The following TLE2 variants were observed in gnomAD, a reference collection of about 807,000 sequenced individuals.
The protein encoded by TLE2 is transducin-like enhancer protein 2.
Under a neutral mutation model 97.2 loss-of-function variants are expected in TLE2, and 74 were observed. The observed-to-expected ratio is 0.76, with a 90% CI of 0.63 to 0.92. TLE2 has a LOEUF of 0.92. Ranked by LOEUF, TLE2 falls within the 40% of genes least tolerant of loss-of-function variation. The pLI, the probability that TLE2 is intolerant of heterozygous loss-of-function variation, is 0.00. For missense variants in TLE2, 1,038 were observed against 1,008.7 expected (o/e 1.03, Z -0.39); for synonymous variants, 499 against 432.1 (o/e 1.15, Z -1.92).
upstream of TLE2, among the ~76,000 whole-genome samples, chr19:3,046,863 T>C (rs1478392650): frequency 1.3e-5 from 2 of 149,904 alleles, no homozygotes; most frequent in Non-Finnish European, 1.5e-5. Flanking sequence ...TGCTCCCCTC[T>C]GGTCCCATCC....
Position 3,002,381 on chromosome 19 carries a change from G to A in TLE2, c.2019C>T (p.Cys673=), listed in dbSNP as rs1435181899. ...EKYQLHLHES[C]VLSLKFASCG... is the part of the protein sequence containing the mutation. ...AGGAGGCAAACTTCAGGGACAGCACGCAGCTCTCGTGGAGGTGCAGCTGGT... is the reference window on the plus strand; with the variant it reads ...AGGAGGCAAACTTCAGGGACAGCACACAGCTCTCGTGGAGGTGCAGCTGGT... The change falls in exon 18 of 20, where the codon TGC becomes TGT. Residue 673 remains cysteine, a synonymous_variant. Coordinates refer to ENST00000262953, the MANE Select transcript of TLE2 (RefSeq NM_003260.5). 6.2e-6 allele frequency: 10 copies of A among 1,613,442 alleles called. No individual in the cohort carries two copies. Among genetic ancestry groups the A allele is most frequent in the African/African-American group, 4.0e-5 (3 of 74,908 alleles).
In TLE2 at chr19:3,013,785, T is replaced by C; in HGVS notation, c.757A>G (p.Thr253Ala). ...QPSEPPSPAT[T>A]PCGKVPICIP... ...CAGATGGGTACCTTTCCGCAGGGGG[T>C]GGTAGCCGGGCTGGGGGGCTCTGAG... is the stretch of plus-strand genomic sequence containing the variant. Residue 253 changes from threonine (T) to alanine (A), a missense_variant, in exon 11 of 20, where the codon ACC becomes GCC. Transcript: ENST00000262953. 6.4e-7 allele frequency: 1 copy of C among 1,553,862 alleles called. No homozygotes were observed. Among genetic ancestry groups the C allele is most frequent in the African/African-American group, 1.4e-5 (1 of 70,986 alleles).
At chr19:3,003,599 C>G (rs187839569) in intron 17 of TLE2, among the ~76,000 whole-genome samples, 7 of 151,904 alleles carry the variant, frequency 4.6e-5, no homozygotes, top group Admixed American at 4.6e-4. Flanking sequence ...GATTGCACCA[C>G]TGCACTCCAG....
In TLE2 at chr19:3,019,502, G is replaced by C; in HGVS notation, c.370-39C>G. 6.7e-7 allele frequency: 1 copy of C among 1,485,982 alleles called. No homozygotes were observed. Among genetic ancestry groups the C allele is most frequent in the African/African-American group, 1.4e-5 (1 of 71,970 alleles). 92.0% of individuals were successfully genotyped at this position (1,485,982 alleles called of 1,614,324 possible). A position where few individuals can be genotyped will look rare whatever the true frequency, so the allele number is the denominator to read the frequency against. On this transcript the variant is annotated intron_variant, in intron 6 of 19. Transcript: ENST00000262953. This position sits in a 1 kb window ranked among gnomAD's most constrained non-coding sequence, Gnocchi z 5.1. ...GGCAGGATGGGCCGGGGCGGGGGGCGGCAGGAGCCCAGCGGTCCCCAGCCC... is the reference window on the plus strand; with the variant it reads ...GGCAGGATGGGCCGGGGCGGGGGGCCGCAGGAGCCCAGCGGTCCCCAGCCC...
At chr19:3,034,962 T>C (rs2090051498) in intron 1 of TLE2, among the ~76,000 whole-genome samples, 1 of 152,120 alleles carries the variant, frequency 6.6e-6, no homozygotes, top group South Asian at 2.1e-4. Context: ...CATTGCCCGG[T>C]GAGTGAGCTG....
At chr19:3,032,478 T>C (rs2090032897), upstream of TLE2, among the ~76,000 whole-genome samples, 1 of 152,148 alleles carries the variant, frequency 6.6e-6, no homozygotes, top group South Asian at 2.1e-4. This position sits in a 1 kb window ranked among gnomAD's most constrained non-coding sequence, Gnocchi z 4.1. Flanking sequence ...CCTCAGATGA[T>C]CCACCCTCCT....
At chr19:2,998,821 C>G (rs1210296160) in intron 19 of TLE2, among the ~76,000 whole-genome samples, 5 of 152,184 alleles carry the variant, frequency 3.3e-5, no homozygotes, top group Non-Finnish European at 5.9e-5. Flanking sequence ...GCTGCCCTTT[C>G]TGGAAGCTCA....
chr19:3,015,575 G>A, intron 9 of TLE2, 78 bp downstream of exon 9: 1 of 1,128,586 alleles, frequency 8.9e-7, no homozygotes, highest in Non-Finnish European at 1.3e-6. Flanking sequence ...GCCAGAGCTG[G>A]GCTCTGGAAG....
At chr19:3,018,150 G>C (rs1052270887) in intron 7 of TLE2, among the ~76,000 whole-genome samples, 1 of 152,062 alleles carries the variant, frequency 6.6e-6, no homozygotes, top group South Asian at 2.1e-4. Context: ...CACACTTTAC[G>C]AGTTGGGGTC....
Position 3,002,348 on chromosome 19 carries a change from C to G in TLE2, c.2047+5G>C. 1 of 1,604,888 alleles carries G rather than the reference C, an allele frequency of 6.2e-7. No individual in the cohort carries two copies. Among genetic ancestry groups the G allele is most frequent in the Non-Finnish European group, 8.5e-7 (1 of 1,174,340 alleles). Reference sequence around the variant, plus strand: ...GGGCGTGCCACCCCGCCCCAGAAGACACACCGCAGGAGGCAAACTTCAGGG... The same window carrying G: ...GGGCGTGCCACCCCGCCCCAGAAGAGACACCGCAGGAGGCAAACTTCAGGG... On this transcript the variant is annotated splice_donor_5th_base_variant and intron_variant, in intron 18 of 19. Coordinates refer to ENST00000262953, the MANE Select transcript of TLE2 (RefSeq NM_003260.5).
At chr19:3,025,297 C>T in intron 4 of TLE2, 1 of 1,252,696 alleles carries the variant, frequency 8.0e-7, no homozygotes, top group South Asian at 2.0e-5. Context: ...CCAGGGTGGC[C>T]TGGAGCTGGG....
At position 3,019,190 on chromosome 19, in the gene TLE2, A is replaced by T; in HGVS notation, c.550+93T>A. The stretch of plus-strand genomic sequence containing the variant: ...TGGGATTATAGGCATGAGCCACTTC[A>T]TCCCCTCACGCTGATGTTTGCTACC... On this transcript the variant is annotated intron_variant, in intron 7 of 19. Transcript: ENST00000262953. The surrounding 1 kb of genome is among the most constrained non-coding windows in gnomAD (Gnocchi z 5.1). The T allele has an allele frequency of 4.0e-6, 6 of 1,484,196 alleles. No homozygotes were observed. The highest frequency in any genetic ancestry group is 5.4e-6 in the Non-Finnish European group (6 of 1,111,188). 91.9% of individuals were successfully genotyped at this position (1,484,196 alleles called of 1,614,324 possible).
chr19:3,018,740 G>C (rs1043682041), intron 7 of TLE2, among the ~76,000 whole-genome samples: 5 of 151,674 alleles, frequency 3.3e-5, no homozygotes, highest in African/African-American at 1.2e-4. Flanking sequence ...TCAGCCTCCC[G>C]AGTAGCTGAG....
chr19:3,008,957 C>T lies in TLE2; in HGVS notation c.1174-12G>A, dbSNP rs1452948952. ...GACTCAAATGCCATCTGTGAGAATG[C>T]CAGGGGGGTGTCAGTGAGGCAGGTG... On this transcript the variant is annotated splice_polypyrimidine_tract_variant and intron_variant, in intron 13 of 19. Coordinates refer to ENST00000262953, the MANE Select transcript of TLE2 (RefSeq NM_003260.5). The T allele has an allele frequency of 2.5e-6, 4 of 1,568,754 alleles. No individual in the cohort carries two copies. Among genetic ancestry groups the T allele is most frequent in the East Asian group, 2.4e-5 (1 of 42,132 alleles).
Position 3,019,782 on chromosome 19 carries a change from T to C in TLE2, c.295-9A>G. ...AGCACCTGCTGCTGATGCTGGCGGGTGGAAGGGATCAGGTAGAGGGTACAT... is the reference window on the plus strand; with the variant it reads ...AGCACCTGCTGCTGATGCTGGCGGGCGGAAGGGATCAGGTAGAGGGTACAT... On this transcript the variant is annotated splice_polypyrimidine_tract_variant and intron_variant, in intron 5 of 19. Transcript: ENST00000262953. The surrounding 1 kb of genome is among the most constrained non-coding windows in gnomAD (Gnocchi z 5.1). 1 of 1,609,848 alleles carries C rather than the reference T, an allele frequency of 6.2e-7. No individual in the cohort carries two copies. The highest frequency in any genetic ancestry group is 8.5e-7 in the Non-Finnish European group (1 of 1,178,428).
At chr19:3,008,985 T>A (rs1226179899) in intron 13 of TLE2, 40 bp from the exon 14 acceptor site, 1 of 1,506,940 alleles carries the variant, frequency 6.6e-7, no homozygotes, top group Non-Finnish European at 9.0e-7. Context: ...GGCAGGTGAC[T>A]CCAACCCACC....
At chr19:3,008,821 G>C in intron 14 of TLE2, 48 bp downstream of exon 14, 1 of 1,450,304 alleles carries the variant, frequency 6.9e-7, no homozygotes, top group South Asian at 1.4e-5. Flanking sequence ...AGAGGAGGTG[G>C]GGGGCTGGCC....
intron 8 of TLE2, among the ~76,000 whole-genome samples, chr19:3,017,450 TTC>T (rs1345727423): frequency 4.2e-5 from 5 of 119,492 alleles, no homozygotes; most frequent in African/African-American, 2.1e-4. Flanking sequence ...TTTTCTTTCT[TTC>T]TTTTTTTTTT....
chr19:3,040,144 C>A lies in TLE2; in HGVS notation c.63+5582G>T, dbSNP rs368780022. ...ACCCCATCACCCACACCACGTGTAA[C>A]CCCTCTGTACCCAGTTGGGGGTTCA... On this transcript the variant is annotated intron_variant, in intron 1 of 18. Transcript: ENST00000426948. 2.2e-4 allele frequency among the ~76,000 whole-genome samples: 33 copies of A among 152,192 alleles called. 1 individual carries two copies. Among genetic ancestry groups the A allele is most frequent in the African/African-American group, 7.7e-4 (32 of 41,516 alleles).
Sources: gnomAD v4.1 joint callset for allele counts (sites outside exome capture counted in the v4.1 genomes callset) on GRCh38, gnomAD v4.1.1 for gene constraint, Gnocchi (gnomAD v3.1) non-coding constraint, MANE v1.5 for transcripts, NCBI Gene and HGNC (gene_info 2026-07-23, HGNC 2026-07-21) for gene names.